Variants in EMB observed in about 807,000 individuals in gnomAD.
EMB encodes embigin, also known as embigin homolog.
EMB carries 31 observed loss-of-function variants against 41.4 expected under a neutral mutation model. The observed-to-expected ratio is 0.75, with a 90% CI of 0.56 to 1.01. The LOEUF (loss-of-function observed/expected upper bound fraction) is 1.01. Among genes scored for constraint, EMB ranks in the 50% least tolerant of loss-of-function variants. The pLI, the probability that EMB is intolerant of heterozygous loss-of-function variation, is 0.00. For synonymous variants in EMB, 137 were observed against 140.4 expected, an observed-to-expected ratio of 0.98 and a Z score of 0.17; for missense variants, 379 against 388.3, an observed-to-expected ratio of 0.98 and a Z score of 0.20.
upstream of EMB, chr5:50,443,180 C>G (rs1745944139): frequency 6.6e-6 from 1 of 152,022 alleles, no homozygotes; most frequent in African/African-American, 2.4e-5. Context: ...TTTTTCTATC[C>G]CTGATTCACC....
chr5:50,400,535 G>A (rs1338577012), intron 7 of EMB, among the ~76,000 whole-genome samples: 1 of 151,876 alleles, frequency 6.6e-6, no homozygotes, highest in Non-Finnish European at 1.5e-5. Flanking sequence ...TCCCACGAGT[G>A]CTTGTTTTTC....
chr5:50,403,553 T>C, intron 5 of EMB, 99 bp from the exon 6 acceptor site: 1 of 1,301,912 alleles, frequency 7.7e-7, no homozygotes, highest in Non-Finnish European at 1.1e-6. Flanking sequence ...CCAACAATAT[T>C]GCTTACTAGA....
intron 2 of EMB, among the ~76,000 whole-genome samples, chr5:50,421,634 T>C (rs374664184): frequency 4.6e-5 from 7 of 151,858 alleles, no homozygotes. Context: ...AGCAAAGACT[T>C]AGAACCAACC....
At chr5:50,439,819 A>C (rs1477340125) in intron 1 of EMB, among the ~76,000 whole-genome samples, 2 of 152,134 alleles carry the variant, frequency 1.3e-5, no homozygotes, top group African/African-American at 4.8e-5. Context: ...ATAAATTCCC[A>C]TGAGAGTTTG....
At chr5:50,411,482 T>C in intron 2 of EMB, 99 bp from the exon 3 acceptor site, 1 of 769,754 alleles carries the variant, frequency 1.3e-6, no homozygotes. Flanking sequence ...CATTGACAAT[T>C]TCTTAATGTA....
At chr5:50,410,828 G>A (rs1289338611) in intron 4 of EMB, 49 bp downstream of exon 4, 2 of 1,123,142 alleles carry the variant, frequency 1.8e-6, no homozygotes, top group Non-Finnish European at 2.5e-6. Context: ...AGAAATCTAA[G>A]AACATAATGC....
intron 7 of EMB, among the ~76,000 whole-genome samples, chr5:50,401,405 A>T (rs538780625): frequency 2.0e-4 from 31 of 151,720 alleles, no homozygotes; most frequent in African/African-American, 7.0e-4. Context: ...TGGCTGATAA[A>T]CTCTAAGTGC....
intron 1 of EMB, among the ~76,000 whole-genome samples, chr5:50,431,097 C>T (rs1745713335): frequency 6.6e-6 from 1 of 152,306 alleles, no homozygotes; most frequent in Middle Eastern, 3.4e-3. Context: ...ACCACCAGTA[C>T]CTTAACTTCA....
intron 4 of EMB, among the ~76,000 whole-genome samples, chr5:50,409,185 G>C (rs1009397839): frequency 6.6e-6 from 1 of 152,068 alleles, no homozygotes; most frequent in African/African-American, 2.4e-5. Flanking sequence ...AGAATCAAGA[G>C]GCCTTCCGTG....
intron 1 of EMB, among the ~76,000 whole-genome samples, chr5:50,438,763 T>C (rs1745846842): frequency 6.6e-6 from 1 of 152,190 alleles, no homozygotes; most frequent in South Asian, 2.1e-4. Context: ...ATAACTTTTG[T>C]CTTGTACATT....
At chr5:50,412,996 T>G (rs1745368681) in intron 2 of EMB, among the ~76,000 whole-genome samples, 3 of 151,558 alleles carry the variant, frequency 2.0e-5, no homozygotes, top group Admixed American at 2.0e-4. Context: ...TTGTCTTTTC[T>G]TTCTTCAGTT....
At chr5:50,443,225 G>A (rs1242883527), upstream of EMB, 1 of 152,060 alleles carries the variant, frequency 6.6e-6, no homozygotes, top group African/African-American at 2.4e-5. Context: ...GCAGTTCTGA[G>A]AACCTCTGCA....
chr5:50,425,463 CTGAT>C (rs1745594292), intron 2 of EMB, among the ~76,000 whole-genome samples: 3 of 151,756 alleles, frequency 2.0e-5, no homozygotes, highest in South Asian at 2.1e-4. Flanking sequence ...CTATAACACA[CTGAT>C]TGAGCAACTA....
At position 50,405,486 on chromosome 5, in the gene EMB, A is replaced by T. The variant is rs186099663; in HGVS notation, c.600+239T>A. Among the ~76,000 whole-genome samples, 4 of 152,094 alleles carry T rather than the reference A, an allele frequency of 2.6e-5. No individual in the cohort carries two copies. The East Asian group carries it at 5.8e-4, about 22-fold the overall frequency. ...TGTAATTAAATTGTTAAACCTAAAA[A>T]ACAAACTACCAGCTAATGAAACGTT... On this transcript the variant is annotated intron_variant, in intron 5 of 8. Transcript: ENST00000303221.
At chr5:50,412,947 A>G (rs1745367545) in intron 2 of EMB, among the ~76,000 whole-genome samples, 1 of 150,080 alleles carries the variant, frequency 6.7e-6, no homozygotes, top group Admixed American at 6.6e-5. Flanking sequence ...TGTAAAAAAA[A>G]AAAGGGTGCA....
intron 2 of EMB, among the ~76,000 whole-genome samples, chr5:50,418,798 C>G (rs1745469026): frequency 6.6e-6 from 1 of 152,180 alleles, no homozygotes; most frequent in Non-Finnish European, 1.5e-5. Context: ...CCAGTTTTCT[C>G]ATCAATTCTG....
chr5:50,436,126 A>T (rs1745799138), intron 1 of EMB, among the ~76,000 whole-genome samples: 3 of 152,206 alleles, frequency 2.0e-5, no homozygotes, highest in Admixed American at 2.0e-4. Context: ...CTAAGAATAC[A>T]TGTGCACATA....
At chr5:50,426,323 T>C (rs930376766) in intron 2 of EMB, among the ~76,000 whole-genome samples, 3 of 152,206 alleles carry the variant, frequency 2.0e-5, no homozygotes, top group Non-Finnish European at 4.4e-5. Context: ...ACCCACCTCA[T>C]TGAGCTGTTA....
intron 1 of EMB, among the ~76,000 whole-genome samples, chr5:50,436,229 T>C (rs1745800757): frequency 6.6e-6 from 1 of 152,308 alleles, no homozygotes; most frequent in Middle Eastern, 3.4e-3. Context: ...TTTACACATA[T>C]ACTTGTTTAA....
Sources: gnomAD v4.1 joint callset for allele counts (sites outside exome capture counted in the v4.1 genomes callset) on GRCh38, gnomAD v4.1.1 for gene constraint, MANE v1.5 for transcripts, NCBI Gene and HGNC (gene_info 2026-07-23, HGNC 2026-07-21) for gene names.